KIF16B: variants seen among roughly 807,000 people sequenced by gnomAD.
KIF16B encodes the protein kinesin family member 16B, also known as kinesin-like protein KIF16B.
In KIF16B, 98 loss-of-function variants were observed where a neutral mutation model predicts 156.3. The ratio of observed to expected loss-of-function variants is 0.63; its 90% CI spans 0.53 to 0.74. The LOEUF (loss-of-function observed/expected upper bound fraction) is 0.74, where lower values mean the gene tolerates loss of function less well. KIF16B is among the 30% of genes least tolerant of loss of function. The pLI, the probability that KIF16B is intolerant of heterozygous loss-of-function variation, is 0.00. For missense variants in KIF16B, 1,421 were observed against 1,606.5 expected (o/e 0.88, Z 1.97); for synonymous variants, 564 against 583.7 (o/e 0.97, Z 0.49).
At chr20:16,437,976 TA>T (rs1175714230) in intron 12 of KIF16B, among the ~76,000 whole-genome samples, 48 of 107,810 alleles carry the variant, frequency 4.5e-4, no homozygotes, top group South Asian at 9.5e-4. Context: ...CTACTAAAAA[TA>T]AAAAAAAATA....
At chr20:16,491,538 TTAA>T (rs1454890496) in intron 12 of KIF16B, among the ~76,000 whole-genome samples, 1 of 152,150 alleles carries the variant, frequency 6.6e-6, no homozygotes, top group Non-Finnish European at 1.5e-5. Flanking sequence ...AACTCAGAAC[TTAA>T]TGATGTCTTC....
chr20:16,322,472 G>A lies in KIF16B; in HGVS notation c.3712-10054C>T, dbSNP rs149485525. Among the ~76,000 whole-genome samples the A allele has an allele frequency of 1.9e-3, 295 of 151,908 alleles. 1 individual carries two copies. The highest frequency in any genetic ancestry group is 6.5e-3 in the African/African-American group (268 of 41,480). On this transcript the variant is annotated intron_variant, in intron 24 of 25. Coordinates refer to ENST00000354981, the MANE Select transcript of KIF16B (RefSeq NM_024704.5). Reference sequence around the variant, plus strand: ...AATATAAATTATTTTATAATTATTCGTGAATCCCAGGGTTGGGAATTATGA... The same window carrying A: ...AATATAAATTATTTTATAATTATTCATGAATCCCAGGGTTGGGAATTATGA...
intron 12 of KIF16B, among the ~76,000 whole-genome samples, chr20:16,473,839 AT>A (rs1417013690): frequency 6.6e-6 from 1 of 152,240 alleles, no homozygotes; most frequent in Non-Finnish European, 1.5e-5. Flanking sequence ...GATGGCTCAG[AT>A]AATGAAACTA....
At chr20:16,559,955 G>A (rs1004895) in intron 1 of KIF16B, among the ~76,000 whole-genome samples, 52,728 of 151,768 alleles carry the variant, frequency 0.35, 9,250 homozygotes, top group African/African-American at 0.39. Context: ...ATTACTTTCC[G>A]GTTTTGATAA....
At chr20:16,372,583 G>A (rs2064847883) in intron 20 of KIF16B, among the ~76,000 whole-genome samples, 1 of 152,232 alleles carries the variant, frequency 6.6e-6, no homozygotes, top group Admixed American at 6.5e-5. Context: ...GGAGGAAACA[G>A]AGAGACTAGA....
At chr20:16,522,955 G>A (rs1348151580) in intron 3 of KIF16B, among the ~76,000 whole-genome samples, 1 of 152,102 alleles carries the variant, frequency 6.6e-6, no homozygotes, top group Non-Finnish European at 1.5e-5. Flanking sequence ...CTCAACAGAC[G>A]CAGAAAAGGC....
chr20:16,385,237 T>C (rs1414868499), intron 17 of KIF16B, among the ~76,000 whole-genome samples: 1 of 151,610 alleles, frequency 6.6e-6, no homozygotes, highest in Admixed American at 6.6e-5. Flanking sequence ...AAATGTCACA[T>C]TAGATATTAA....
At chr20:16,422,320 T>G (rs182345567) in intron 15 of KIF16B, among the ~76,000 whole-genome samples, 2 of 152,142 alleles carry the variant, frequency 1.3e-5, no homozygotes, top group Admixed American at 6.6e-5. Context: ...CTTTTGTCTT[T>G]TTGGTGTTTG....
At chr20:16,396,977 G>GT (rs1305990883) in intron 17 of KIF16B, among the ~76,000 whole-genome samples, 1 of 152,134 alleles carries the variant, frequency 6.6e-6, no homozygotes, top group Non-Finnish European at 1.5e-5. Flanking sequence ...CTCACTACTG[G>GT]TTAGTGCTCA....
intron 1 of KIF16B, among the ~76,000 whole-genome samples, chr20:16,542,397 A>G (rs1413459311): frequency 1.3e-5 from 2 of 152,236 alleles, no homozygotes; most frequent in African/African-American, 4.8e-5. Context: ...TAAACAATAC[A>G]GTCCCAGCCT....
chr20:16,415,929 G>A lies in KIF16B; in HGVS notation c.1613-9473C>T, dbSNP rs552750439. ...TGTAGTAGTTATTTGAGGGCCTTGG[G>A]AAGTAAAGAGTAGCTGTTGCAGTTC... On this transcript the variant is annotated intron_variant, in intron 15 of 25. Transcript: ENST00000354981. Among the ~76,000 whole-genome samples the A allele has an allele frequency of 1.1e-4, 17 of 152,196 alleles. No individual in the cohort carries two copies. The East Asian group carries it at 3.1e-3, about 28-fold the overall frequency.
chr20:16,297,524 A>C (rs573458560), intron 25 of KIF16B, among the ~76,000 whole-genome samples: 1 of 151,718 alleles, frequency 6.6e-6, no homozygotes, highest in Non-Finnish European at 1.5e-5. Flanking sequence ...GTGAAACCCT[A>C]TCTCTACTAA....
chr20:16,411,349 A>G lies in KIF16B; in HGVS notation c.1613-4893T>C, dbSNP rs981833631. Among the ~76,000 whole-genome samples the G allele has an allele frequency of 3.9e-5, 6 of 151,900 alleles. No individual in the cohort carries two copies. The East Asian group carries it at 9.7e-4, about 25-fold the overall frequency. ...ATTTATTACTTTGAGCATAGAACTT[A>G]GCCTTCTGTTTCTTCAGGTCATATA... On this transcript the variant is annotated intron_variant, in intron 15 of 25. Coordinates refer to ENST00000354981, the MANE Select transcript of KIF16B (RefSeq NM_024704.5).
Position 16,369,716 on chromosome 20 carries a change from G to A in KIF16B, c.3498+870C>T, listed in dbSNP as rs140364017. On this transcript the variant is annotated intron_variant, in intron 22 of 25. Transcript: ENST00000354981. The stretch of plus-strand genomic sequence containing the variant: ...GAAATGCCCAAGTGTTCTAACCCAG[G>A]TTACATTTCTCTCTCCTTTTGGTTT... Among the ~76,000 whole-genome samples, 58 of 152,232 alleles carry A rather than the reference G, an allele frequency of 3.8e-4. 1 individual carries two copies. The highest frequency in any genetic ancestry group is 3.3e-3 in the Admixed American group (51 of 15,298).
chr20:16,480,172 T>C (rs141486097), intron 12 of KIF16B, among the ~76,000 whole-genome samples: 15 of 152,250 alleles, frequency 9.9e-5, no homozygotes, highest in African/African-American at 3.6e-4. Flanking sequence ...GAGGCTGGGC[T>C]CCAAGGGCAT....
At chr20:16,508,361 C>T (rs2068851785) in intron 6 of KIF16B, among the ~76,000 whole-genome samples, 1 of 152,166 alleles carries the variant, frequency 6.6e-6, no homozygotes, top group Non-Finnish European at 1.5e-5. Flanking sequence ...TCAGTTACCT[C>T]ACGTGATCAT....
At chr20:16,422,919 T>C (rs868109074) in intron 15 of KIF16B, among the ~76,000 whole-genome samples, 3 of 152,172 alleles carry the variant, frequency 2.0e-5, no homozygotes, top group Middle Eastern at 3.4e-3. Flanking sequence ...AAAAAGTTAA[T>C]AAGCACACAT....
At chr20:16,540,518 C>T (rs2070156192) in intron 1 of KIF16B, among the ~76,000 whole-genome samples, 1 of 152,218 alleles carries the variant, frequency 6.6e-6, no homozygotes, top group Non-Finnish European at 1.5e-5. Context: ...ACCCTCTTCT[C>T]CTGATGACAT....
At chr20:16,496,330 T>A (rs910249326) in intron 11 of KIF16B, among the ~76,000 whole-genome samples, 12 of 152,238 alleles carry the variant, frequency 7.9e-5, no homozygotes, top group Non-Finnish European at 1.2e-4. Flanking sequence ...ATCGAAGAAA[T>A]GTGAGCAAAT....
Sources: gnomAD v4.1 joint callset for allele counts (sites outside exome capture counted in the v4.1 genomes callset) on GRCh38, gnomAD v4.1.1 for gene constraint, MANE v1.5 for transcripts, NCBI Gene and HGNC (gene_info 2026-07-23, HGNC 2026-07-21) for gene names.